The following PCDH15 variants were observed in gnomAD, a reference collection of about 807,000 sequenced individuals.
PCDH15 encodes the protein protocadherin related 15, also known as protocadherin-15.
A neutral mutation model predicts 178.5 loss-of-function variants in PCDH15; 129 were observed. That is an observed-to-expected ratio of 0.72 (90% CI 0.63 to 0.84). The LOEUF (loss-of-function observed/expected upper bound fraction) is 0.84. Among genes scored for constraint, PCDH15 ranks in the 40% least tolerant of loss-of-function variants. The pLI, the probability that PCDH15 is intolerant of heterozygous loss-of-function variation, is 0.00. For synonymous variants in PCDH15, 800 were observed against 732.0 expected (o/e 1.09, Z -1.50); for missense variants, 2,230 against 2,099.9 (o/e 1.06, Z -1.21).
chr10:54,334,414 C>T (rs1379960866), intron 6 of PCDH15, among the ~76,000 whole-genome samples: 1 of 152,240 alleles, frequency 6.6e-6, no homozygotes, highest in South Asian at 2.1e-4. Context: ...CCAGAATCCC[C>T]TTTACTAATA....
At chr10:53,871,450 A>AGGTGTGTG (rs1366132325) in intron 26 of PCDH15, among the ~76,000 whole-genome samples, 2 of 57,404 alleles carry the variant, frequency 3.5e-5, no homozygotes, top group Non-Finnish European at 3.1e-5. Flanking sequence ...ATATATTCAT[A>AGGTGTGTG]CGTGTGTGTG....
chr10:54,158,113 A>G (rs2045339402), intron 13 of PCDH15, among the ~76,000 whole-genome samples: 1 of 152,158 alleles, frequency 6.6e-6, no homozygotes, highest in African/African-American at 2.4e-5. Flanking sequence ...CCTGTTACTC[A>G]GTTCTAAAAT....
chr10:53,962,694 A>G lies in PCDH15; in HGVS notation c.2869-802T>C, dbSNP rs192609729. Among the ~76,000 whole-genome samples the G allele has an allele frequency of 1.1e-3, 171 of 152,294 alleles. 1 individual carries two copies. The highest frequency in any genetic ancestry group is 3.9e-3 in the African/African-American group (164 of 41,572). On this transcript the variant is annotated intron_variant, in intron 21 of 37. Coordinates refer to ENST00000644397, the MANE Select transcript of PCDH15 (RefSeq NM_001384140.1). Reference sequence around the variant, plus strand: ...AAGAGTGCTGAAATATTCCAGAGATAGGCCAAGATAAGTTGGGACACCAAA... The same window carrying G: ...AAGAGTGCTGAAATATTCCAGAGATGGGCCAAGATAAGTTGGGACACCAAA...
chr10:54,976,873 A>G (rs980461565), intron 2 of PCDH15, among the ~76,000 whole-genome samples: 4 of 152,166 alleles, frequency 2.6e-5, no homozygotes, highest in Non-Finnish European at 5.9e-5. Flanking sequence ...ATTCCAAGTT[A>G]AACCATAAGC....
rs1315788838 is a variant in PCDH15, at chr10:55,529,775, A to G, written c.-156+97850T>C. ...TATATATATATATATATATATATAT[A>G]TATTTGATTACCACAAATACATATA... On this transcript the variant is annotated intron_variant, in intron 2 of 5. Coordinates refer to the PCDH15 transcript ENST00000613346. 6.5e-5 allele frequency among the ~76,000 whole-genome samples: 9 copies of G among 139,314 alleles called. No individual in the cohort carries two copies. In the South Asian group the frequency reaches 8.8e-4, roughly 14 times the overall value. The allele number at this position is 139,314 out of a possible 152,430, so 91.4% of individuals were successfully genotyped here. A position where few individuals can be genotyped will look rare whatever the true frequency, so the allele number is the denominator to read the frequency against.
chr10:54,461,065 G>C (rs1565335314), intron 3 of PCDH15, among the ~76,000 whole-genome samples: 1 of 151,650 alleles, frequency 6.6e-6, no homozygotes, highest in Non-Finnish European at 1.5e-5. Flanking sequence ...TACATCACCT[G>C]CTATAAGAGT....
intron 4 of PCDH15, among the ~76,000 whole-genome samples, chr10:54,375,746 T>C (rs1053476428): frequency 1.4e-4 from 20 of 147,606 alleles, no homozygotes; most frequent in Non-Finnish European, 1.9e-4. Flanking sequence ...AAATTGTTGG[T>C]TCTATTTTGA....
intron 2 of PCDH15, among the ~76,000 whole-genome samples, chr10:55,165,845 T>G (rs1409407547): frequency 6.6e-6 from 1 of 152,096 alleles, no homozygotes; most frequent in African/African-American, 2.4e-5. Flanking sequence ...ATTTATAAAT[T>G]TTATTCATTA....
At chr10:54,560,250 A>T (rs2087924511) in intron 2 of PCDH15, among the ~76,000 whole-genome samples, 1 of 152,092 alleles carries the variant, frequency 6.6e-6, no homozygotes, top group Non-Finnish European at 1.5e-5. Context: ...CACTTAAATT[A>T]CCATAATAAT....
intron 3 of PCDH15, among the ~76,000 whole-genome samples, chr10:54,514,525 G>A (rs988837263): frequency 1.3e-5 from 2 of 151,630 alleles, no homozygotes; most frequent in African/African-American, 4.8e-5. Flanking sequence ...TGAAAGCAAG[G>A]AGTAGCACAC....
intron 29 of PCDH15, among the ~76,000 whole-genome samples, chr10:53,833,362 T>C (rs867980624): frequency 1.3e-5 from 2 of 152,216 alleles, no homozygotes. Context: ...TGTGATGTCA[T>C]AAACAATTTT....
chr10:55,230,938 G>T (rs1368062457), intron 1 of PCDH15, among the ~76,000 whole-genome samples: 1 of 151,916 alleles, frequency 6.6e-6, no homozygotes, highest in Non-Finnish European at 1.5e-5. Flanking sequence ...ATATTTTAGA[G>T]GTGGAAAAGA....
chr10:54,111,386 G>T (rs746433438), intron 15 of PCDH15, among the ~76,000 whole-genome samples: 7 of 151,342 alleles, frequency 4.6e-5, no homozygotes, highest in Non-Finnish European at 7.4e-5. Context: ...TAGAAAAACA[G>T]AATAGTTTAA....
At chr10:54,601,269 G>A (rs76591881) in intron 2 of PCDH15, among the ~76,000 whole-genome samples, 1,921 of 152,046 alleles carry the variant, frequency 0.013, 43 homozygotes, top group African/African-American at 0.044. Context: ...GAAATTATTT[G>A]CAGATTATGT....
chr10:54,254,008 C>T (rs1056469233), intron 8 of PCDH15, among the ~76,000 whole-genome samples: 2 of 151,990 alleles, frequency 1.3e-5, no homozygotes, highest in African/African-American at 4.8e-5. Flanking sequence ...TAATTATATT[C>T]TTTGCAGAAA....
At chr10:55,337,377 G>A (rs1225706328) in intron 2 of PCDH15, among the ~76,000 whole-genome samples, 1 of 152,110 alleles carries the variant, frequency 6.6e-6, no homozygotes, top group Non-Finnish European at 1.5e-5. Flanking sequence ...AAAATGCATT[G>A]CTGACCTCAA....
intron 3 of PCDH15, among the ~76,000 whole-genome samples, chr10:54,464,138 TAC>T (rs980487168): frequency 2.6e-5 from 4 of 152,076 alleles, no homozygotes. Context: ...AGGGAATGGG[TAC>T]AGTTTCAAGA....
intron 11 of PCDH15, among the ~76,000 whole-genome samples, chr10:54,191,666 C>A (rs1036748065): frequency 2.0e-5 from 3 of 151,248 alleles, no homozygotes; most frequent in Admixed American, 2.0e-4. Context: ...GCCTGTAAAC[C>A]CGAGCAAGGT....
chr10:54,082,127 C>T (rs769242798), intron 16 of PCDH15, among the ~76,000 whole-genome samples: 2 of 152,124 alleles, frequency 1.3e-5, no homozygotes, highest in Non-Finnish European at 2.9e-5. Context: ...CTGGAGGGAG[C>T]GAGCTATCCT....
Sources: allele counts gnomAD v4.1 joint callset (sites outside exome capture counted in the v4.1 genomes callset), GRCh38; gene constraint gnomAD v4.1.1; transcripts MANE v1.5; gene names NCBI Gene and HGNC (gene_info 2026-07-23, HGNC 2026-07-21).